LRRC4C: variants seen among roughly 807,000 people sequenced by gnomAD.
The protein encoded by LRRC4C is leucine rich repeat containing 4C.
In LRRC4C, 5 loss-of-function variants were observed where a neutral mutation model predicts 33.6. The observed-to-expected ratio is 0.15, with a 90% confidence interval of 0.08 to 0.31. The LOEUF (loss-of-function observed/expected upper bound fraction) is 0.31, where lower values mean the gene tolerates loss of function less well. LRRC4C is among the 10% of genes least tolerant of loss of function. The probability of loss-of-function intolerance (pLI) is 1.00; values close to 1 mark genes in which losing one functional copy is unlikely to be tolerated. For synonymous variants in LRRC4C, 329 were observed against 302.0 expected, an observed-to-expected ratio of 1.09 and a Z score of -0.93; for missense variants, 560 against 796.7, an observed-to-expected ratio of 0.70 and a Z score of 3.58.
At chr11:41,109,508 G>T (rs964996625) in intron 1 of LRRC4C, among the ~76,000 whole-genome samples, 2 of 152,072 alleles carry the variant, frequency 1.3e-5, no homozygotes, top group Non-Finnish European at 2.9e-5. Context: ...TGGCCCCAGA[G>T]CCCTCAAGGG....
Position 40,386,564 on chromosome 11 carries a change from G to A in LRRC4C, c.-269-66843C>T, listed in dbSNP as rs574057661. 4.6e-5 allele frequency among the ~76,000 whole-genome samples: 7 copies of A among 152,164 alleles called. No individual in the cohort carries two copies. The East Asian group carries it at 1.2e-3, about 25-fold the overall frequency. ...ATCTAGTACTTCTGGTAAACTGCAA[G>A]GTACTTTACGCATTGAAGAGGATAT... On this transcript the variant is annotated intron_variant, in intron 3 of 6. Transcript: ENST00000528697.
chr11:40,779,909 A>G (rs575998130), intron 2 of LRRC4C, among the ~76,000 whole-genome samples: 4 of 152,260 alleles, frequency 2.6e-5, no homozygotes, highest in East Asian at 3.9e-4. Flanking sequence ...TAAGATATAA[A>G]TGGTTGTACC....
intron 1 of LRRC4C, among the ~76,000 whole-genome samples, chr11:41,369,492 A>G (rs1253207706): frequency 6.6e-6 from 1 of 151,906 alleles, no homozygotes; most frequent in Non-Finnish European, 1.5e-5. Flanking sequence ...CCCCTATAAC[A>G]CAAGTTTACC....
chr11:40,202,046 T>C (rs1862791137), intron 5 of LRRC4C, among the ~76,000 whole-genome samples: 1 of 152,040 alleles, frequency 6.6e-6, no homozygotes, highest in South Asian at 2.1e-4. Flanking sequence ...ACTTATAAGC[T>C]ATGGATTTTG....
chr11:40,801,454 A>G (rs1019391229), intron 2 of LRRC4C, among the ~76,000 whole-genome samples: 2 of 152,176 alleles, frequency 1.3e-5, no homozygotes, highest in African/African-American at 4.8e-5. Flanking sequence ...TTCTTATGTT[A>G]CAGTGGTTTA....
At chr11:40,877,078 C>T (rs999713863) in intron 2 of LRRC4C, among the ~76,000 whole-genome samples, 11 of 151,894 alleles carry the variant, frequency 7.2e-5, no homozygotes, top group African/African-American at 2.4e-4. Context: ...TGTACTTTAA[C>T]GAGGTTGATA....
chr11:40,488,280 T>C (rs1003036009), intron 3 of LRRC4C, among the ~76,000 whole-genome samples: 4 of 147,220 alleles, frequency 2.7e-5, no homozygotes, highest in East Asian at 2.0e-4. Context: ...GGGTGTTTTT[T>C]TCCCCCCCCC....
rs922425499 is a variant in LRRC4C at position 41,110,159 on chromosome 11, A to G, written c.-495-176436T>C. ...TTTGGAATTAGACTTTCTGGCTTCA[A>G]TCCTGGCTCTAGTACACAACTGGGT... On this transcript the variant is annotated intron_variant, in intron 1 of 6. Coordinates refer to ENST00000528697, the MANE Select transcript of LRRC4C (RefSeq NM_001258419.2). 1.6e-4 allele frequency among the ~76,000 whole-genome samples: 24 copies of G among 152,048 alleles called. 1 individual carries two copies. The highest frequency in any genetic ancestry group is 5.8e-4 in the African/African-American group (24 of 41,428).
In LRRC4C at chr11:40,200,784, A is replaced by AAAAAAAAAAAAAAAAAG. The variant is rs71060946; in HGVS notation, c.-96+40734_-96+40735insCTTTTTTTTTTTTTTTT. Among the ~76,000 whole-genome samples, 157 of 78,452 alleles carry AAAAAAAAAAAAAAAAAG rather than the reference A, an allele frequency of 2.0e-3. 5 individuals carry two copies. The highest frequency in any genetic ancestry group is 2.5e-3 in the South Asian group (5 of 2,028). 51.5% of individuals were successfully genotyped at this position (78,452 alleles called of 152,430 possible). On this transcript the variant is annotated intron_variant, in intron 5 of 6. Coordinates refer to ENST00000528697, the MANE Select transcript of LRRC4C (RefSeq NM_001258419.2). ...CCATCTCAAAAAAAAAAAAAAAAAA[A>AAAAAAAAAAAAAAAAAG]AAAAGAAAAGAAAAGAAAAAAAATT... is the stretch of plus-strand genomic sequence containing the variant.
At chr11:40,497,862 C>G (rs1198876131) in intron 3 of LRRC4C, among the ~76,000 whole-genome samples, 1 of 152,126 alleles carries the variant, frequency 6.6e-6, no homozygotes. Flanking sequence ...GGACAAAGAC[C>G]TCAGTTCTTA....
chr11:40,837,854 A>G (rs1952742533), intron 2 of LRRC4C, among the ~76,000 whole-genome samples: 1 of 145,440 alleles, frequency 6.9e-6, no homozygotes, highest in Non-Finnish European at 1.5e-5. Flanking sequence ...TCAGAAAAAA[A>G]AAATAGAGGA....
chr11:40,694,999 A>T (rs756931291), intron 2 of LRRC4C, among the ~76,000 whole-genome samples: 1 of 148,632 alleles, frequency 6.7e-6, no homozygotes, highest in Non-Finnish European at 1.5e-5. Context: ...TGTTCCTGTC[A>T]TTTTTTGCCT....
intron 3 of LRRC4C, among the ~76,000 whole-genome samples, chr11:40,621,041 T>C (rs1450425621): frequency 6.6e-6 from 1 of 151,636 alleles, no homozygotes. Context: ...TCTAGTAAAC[T>C]GAGGTTATAA....
chr11:40,348,613 C>T (rs1243227413), intron 3 of LRRC4C, among the ~76,000 whole-genome samples: 1 of 152,150 alleles, frequency 6.6e-6, no homozygotes, highest in African/African-American at 2.4e-5. Flanking sequence ...CCTACCTCTG[C>T]TCCCAGCATC....
At chr11:40,600,662 A>G (rs1052282853) in intron 3 of LRRC4C, among the ~76,000 whole-genome samples, 2 of 152,188 alleles carry the variant, frequency 1.3e-5, no homozygotes, top group African/African-American at 4.8e-5. Flanking sequence ...AGATATTTCA[A>G]ACTTCCAAAA....
At chr11:40,428,836 TTGAAA>T (rs1950809229) in intron 3 of LRRC4C, among the ~76,000 whole-genome samples, 3 of 152,284 alleles carry the variant, frequency 2.0e-5, no homozygotes, top group African/African-American at 7.2e-5. Context: ...GAAAATATAG[TTGAAA>T]TGAAATCCAA....
chr11:40,485,562 T>C (rs535611729), intron 3 of LRRC4C, among the ~76,000 whole-genome samples: 19 of 152,072 alleles, frequency 1.2e-4, no homozygotes, highest in Non-Finnish European at 1.0e-4. Context: ...AAATGGCTAG[T>C]TACAGGGTAC....
At chr11:40,352,215 G>C (rs964837181) in intron 3 of LRRC4C, among the ~76,000 whole-genome samples, 6 of 96,800 alleles carry the variant, frequency 6.2e-5, no homozygotes, top group African/African-American at 2.5e-4. Flanking sequence ...TTTTTTTCTT[G>C]TATGTTTTAA....
chr11:40,118,878 G>A (rs1374022062), intron 6 of LRRC4C, among the ~76,000 whole-genome samples: 1 of 152,162 alleles, frequency 6.6e-6, no homozygotes, highest in Non-Finnish European at 1.5e-5. Flanking sequence ...ATGATAATGA[G>A]AGGTTAATAT....
Sources: gnomAD v4.1 joint callset for allele counts (sites outside exome capture counted in the v4.1 genomes callset) on GRCh38, gnomAD v4.1.1 for gene constraint, MANE v1.5 for transcripts, NCBI Gene and HGNC (gene_info 2026-07-23, HGNC 2026-07-21) for gene names.